The following B3GALT1 variants were observed in gnomAD, a reference collection of about 807,000 sequenced individuals.
The protein encoded by B3GALT1 is UDP-Gal:betaGlcNAc beta 1,3-galactosyltransferase, polypeptide 1.
B3GALT1 carries 10 observed loss-of-function variants against 23.2 expected under a neutral mutation model. The ratio of observed to expected loss-of-function variants is 0.43; its 90% CI spans 0.27 to 0.73. The LOEUF (loss-of-function observed/expected upper bound fraction) is 0.73. Ranked by LOEUF, B3GALT1 falls within the 30% of genes least tolerant of loss-of-function variation. B3GALT1 has a pLI of 0.21. For missense variants in B3GALT1, 299 were observed against 405.4 expected (o/e 0.74, Z 2.25); for synonymous variants, 156 against 141.5 (o/e 1.10, Z -0.73).
At chr2:167,715,417 A>G in intron 3 of B3GALT1, 1 of 1,611,372 alleles carries the variant, frequency 6.2e-7, no homozygotes, top group Non-Finnish European at 8.5e-7. Flanking sequence ...CCTGAAGTTG[A>G]GAATTTTCAC....
chr2:167,843,631 G>A (rs1029994045), intron 4 of B3GALT1, among the ~76,000 whole-genome samples: 1 of 152,194 alleles, frequency 6.6e-6, no homozygotes, highest in African/African-American at 2.4e-5. Flanking sequence ...ACATGGTACT[G>A]TCTTATGCTG....
At chr2:167,867,271 C>T (rs182202077) in intron 4 of B3GALT1, among the ~76,000 whole-genome samples, 2 of 152,206 alleles carry the variant, frequency 1.3e-5, no homozygotes, top group Admixed American at 1.3e-4. Context: ...CTTCCTTTTG[C>T]TTACTGTTTA....
chr2:167,830,894 G>A (rs1351498716), intron 4 of B3GALT1, among the ~76,000 whole-genome samples: 3 of 152,220 alleles, frequency 2.0e-5, no homozygotes, highest in Non-Finnish European at 4.4e-5. Flanking sequence ...TATCAGGGCA[G>A]CCTTGCCATG....
At chr2:167,371,085 A>G (rs1697677036) in intron 1 of B3GALT1, among the ~76,000 whole-genome samples, 1 of 152,188 alleles carries the variant, frequency 6.6e-6, no homozygotes, top group African/African-American at 2.4e-5. Flanking sequence ...TGGAGAAAAA[A>G]GAAGGGATAG....
chr2:167,604,262 G>A (rs978587031), intron 2 of B3GALT1, among the ~76,000 whole-genome samples: 2 of 152,076 alleles, frequency 1.3e-5, no homozygotes, highest in African/African-American at 2.4e-5. Flanking sequence ...TCATTGCTCA[G>A]CTGCCCCCAT....
At chr2:167,461,322 T>TCAGTCATCCCTC (rs1184537668) in intron 1 of B3GALT1, among the ~76,000 whole-genome samples, 1 of 152,198 alleles carries the variant, frequency 6.6e-6, no homozygotes, top group Non-Finnish European at 1.5e-5. Context: ...AATTTGCCAT[T>TCAGTCATCCCTC]CAGTCATCCC....
chr2:167,592,545 CTCTT>C (rs996552005), intron 2 of B3GALT1, among the ~76,000 whole-genome samples: 3 of 152,194 alleles, frequency 2.0e-5, no homozygotes, highest in Non-Finnish European at 4.4e-5. Flanking sequence ...TTGTTTAATG[CTCTT>C]TCTATCTCTT....
intron 1 of B3GALT1, among the ~76,000 whole-genome samples, chr2:167,302,332 T>TA (rs939630911): frequency 6.6e-6 from 1 of 152,044 alleles, no homozygotes; most frequent in African/African-American, 2.4e-5. Flanking sequence ...TAATGATCAT[T>TA]AAAAAAATCT....
At chr2:167,563,971 T>C (rs13030843) in intron 2 of B3GALT1, among the ~76,000 whole-genome samples, 129,237 of 130,270 alleles carry the variant, frequency 0.99, 64,102 homozygotes, top group Non-Finnish European at 0.99. Context: ...CCACCTCCCT[T>C]CCGGACGGGG....
chr2:167,401,681 C>T (rs1698194966), intron 1 of B3GALT1, among the ~76,000 whole-genome samples: 1 of 152,154 alleles, frequency 6.6e-6, no homozygotes, highest in Admixed American at 6.6e-5. Context: ...CAGCTCTATT[C>T]TCTTCAAAGA....
At chr2:167,819,128 T>TA (rs1177710421) in intron 4 of B3GALT1, among the ~76,000 whole-genome samples, 4 of 152,322 alleles carry the variant, frequency 2.6e-5, no homozygotes, top group Middle Eastern at 3.4e-3. Context: ...AATTCATACT[T>TA]ACAAGTGTCT....
At chr2:167,563,481 G>C (rs1684064400) in intron 2 of B3GALT1, among the ~76,000 whole-genome samples, 1 of 102,954 alleles carries the variant, frequency 9.7e-6, no homozygotes, top group African/African-American at 4.6e-5. Flanking sequence ...CCCAGTAGGG[G>C]CGGCCGGGCA....
intron 1 of B3GALT1, among the ~76,000 whole-genome samples, chr2:167,347,205 T>G (rs1055525880): frequency 6.6e-6 from 1 of 152,146 alleles, no homozygotes; most frequent in South Asian, 2.1e-4. Flanking sequence ...ATGGACCCAA[T>G]GCAGAGTCAT....
chr2:167,673,407 T>C (rs1288810789), intron 3 of B3GALT1, among the ~76,000 whole-genome samples: 1 of 152,092 alleles, frequency 6.6e-6, no homozygotes, highest in African/African-American at 2.4e-5. Context: ...TAATTAGGTC[T>C]TGAAATAACA....
chr2:167,760,261 G>C (rs920978376), intron 3 of B3GALT1, among the ~76,000 whole-genome samples: 2 of 152,148 alleles, frequency 1.3e-5, no homozygotes, highest in African/African-American at 4.8e-5. Context: ...TAAAGTAAAA[G>C]GTCCCCTGAA....
At chr2:167,379,753 C>A (rs1697818340) in intron 1 of B3GALT1, among the ~76,000 whole-genome samples, 1 of 152,232 alleles carries the variant, frequency 6.6e-6, no homozygotes, top group Non-Finnish European at 1.5e-5. Flanking sequence ...CCATACTGGG[C>A]AGGTCCACCT....
intron 1 of B3GALT1, among the ~76,000 whole-genome samples, chr2:167,424,927 G>T (rs188952436): frequency 6.6e-6 from 1 of 152,134 alleles, no homozygotes; most frequent in Admixed American, 6.5e-5. Context: ...CCATCATTTC[G>T]AAGTCAACAT....
chr2:167,789,754 C>G (rs1006575674), intron 3 of B3GALT1, among the ~76,000 whole-genome samples: 1 of 151,964 alleles, frequency 6.6e-6, no homozygotes, highest in Non-Finnish European at 1.5e-5. Flanking sequence ...TCCTCCTTTC[C>G]TCCCCTACAG....
chr2:167,430,071 G>A (rs1200487647), intron 1 of B3GALT1, among the ~76,000 whole-genome samples: 2 of 152,210 alleles, frequency 1.3e-5, no homozygotes, highest in East Asian at 1.9e-4. Context: ...ATTAAATGCT[G>A]TGGGGAGAAA....
Sources: gnomAD v4.1 joint callset for allele counts (sites outside exome capture counted in the v4.1 genomes callset) on GRCh38, gnomAD v4.1.1 for gene constraint, MANE v1.5 for transcripts, NCBI Gene and HGNC (gene_info 2026-07-23, HGNC 2026-07-21) for gene names.